The following POM121C variants were observed in gnomAD, a reference collection of about 807,000 sequenced individuals.
The protein encoded by POM121C is POM121 transmembrane nucleoporin C.
A neutral mutation model predicts 66.4 loss-of-function variants in POM121C; 20 were observed. The ratio of observed to expected loss-of-function variants is 0.30; its 90% CI spans 0.21 to 0.44. The LOEUF (loss-of-function observed/expected upper bound fraction) is 0.44. Ranked by LOEUF, POM121C falls within the 20% of genes least tolerant of loss-of-function variation. The probability of loss-of-function intolerance (pLI) is 1.00; values close to 1 mark genes in which losing one functional copy is unlikely to be tolerated. For missense variants in POM121C, 580 were observed against 1,225.7 expected (o/e 0.47, Z 7.87); for synonymous variants, 286 against 528.0 (o/e 0.54, Z 6.28).
intron 7 of POM121C, among the ~76,000 whole-genome samples, chr7:75,428,316 C>A (rs1449144683): frequency 6.6e-6 from 1 of 152,002 alleles, no homozygotes; most frequent in African/African-American, 2.4e-5. Flanking sequence ...ATTTTTGTAT[C>A]TTTAGTAGAG....
intron 1 of POM121C, among the ~76,000 whole-genome samples, chr7:75,477,723 G>C (rs1306040276): frequency 2.0e-5 from 3 of 151,490 alleles, no homozygotes; most frequent in Non-Finnish European, 4.4e-5. Flanking sequence ...GAGGCCAGGA[G>C]CTTGAGACCA....
chr7:75,476,344 G>T (rs1554479360), intron 1 of POM121C, among the ~76,000 whole-genome samples: 1 of 151,592 alleles, frequency 6.6e-6, no homozygotes, highest in Non-Finnish European at 1.5e-5. Context: ...CAATCCACCT[G>T]CCTTGGCCTC....
At chr7:75,419,554 C>G (rs236657) in intron 13 of POM121C, 112 bp from the exon 14 acceptor site, 20,623 of 1,272,362 alleles carry the variant, frequency 0.016, 217 homozygotes, top group Non-Finnish European at 0.017. Context: ...CTCAGCCCCA[C>G]TTCTGCTTCT....
chr7:75,437,766 C>T (rs111948630), intron 6 of POM121C, 80 bp from the exon 7 acceptor site: 4 of 1,478,454 alleles, frequency 2.7e-6, no homozygotes, highest in Middle Eastern at 2.1e-4. Flanking sequence ...TGACATCTTT[C>T]TTAATAACAT....
intron 7 of POM121C, among the ~76,000 whole-genome samples, chr7:75,431,040 C>T (rs1174540720): frequency 1.6e-5 from 2 of 126,632 alleles, no homozygotes; most frequent in African/African-American, 6.1e-5. Flanking sequence ...CGCATCACTG[C>T]ACTCCAGCCT....
At chr7:75,460,510 A>C (rs1397700273) in intron 3 of POM121C, among the ~76,000 whole-genome samples, 1 of 151,750 alleles carries the variant, frequency 6.6e-6, no homozygotes, top group Non-Finnish European at 1.5e-5. Context: ...AAATAAATAA[A>C]TATCAATAGT....
At chr7:75,425,888 TCA>T (rs1789922304) in intron 8 of POM121C, among the ~76,000 whole-genome samples, 180 bp from the exon 9 acceptor site, 1 of 152,078 alleles carries the variant, frequency 6.6e-6, no homozygotes, top group African/African-American at 2.4e-5. Flanking sequence ...GGGAGGCTGT[TCA>T]CAGAGGCCAT....
chr7:75,444,456 G>A (rs1372257756), intron 3 of POM121C, among the ~76,000 whole-genome samples: 41 of 148,794 alleles, frequency 2.8e-4, no homozygotes, highest in Admixed American at 4.8e-4. Flanking sequence ...GTCAGTAGGG[G>A]CTCTTTGAAC....
chr7:75,448,781 C>T (rs1434425676), intron 3 of POM121C, among the ~76,000 whole-genome samples: 5 of 147,892 alleles, frequency 3.4e-5, no homozygotes, highest in African/African-American at 1.3e-4. Flanking sequence ...GCCTGGGCAA[C>T]AAGAGTGAAA....
At chr7:75,438,588 G>C (rs782577586) in intron 6 of POM121C, among the ~76,000 whole-genome samples, 38 of 152,166 alleles carry the variant, frequency 2.5e-4, no homozygotes, top group Non-Finnish European at 5.1e-4. Context: ...ACGCTGATCT[G>C]ACCACAGTGC....
intron 1 of POM121C, among the ~76,000 whole-genome samples, chr7:75,476,141 A>G (rs1355154596): frequency 1.3e-5 from 2 of 152,156 alleles, no homozygotes; most frequent in African/African-American, 4.8e-5. Context: ...TTTTTAAAAA[A>G]TTGGCTGGGC....
intron 7 of POM121C, among the ~76,000 whole-genome samples, chr7:75,431,831 A>T (rs1328045351): frequency 6.6e-6 from 1 of 151,376 alleles, no homozygotes; most frequent in Non-Finnish European, 1.5e-5. Context: ...GCATGCCTGT[A>T]ATCTCAGCTA....
At chr7:75,436,041 ACTC>A (rs1434624023) in intron 7 of POM121C, among the ~76,000 whole-genome samples, 1 of 135,198 alleles carries the variant, frequency 7.4e-6, no homozygotes, top group Non-Finnish European at 1.6e-5. Flanking sequence ...ACAGAGTAAG[ACTC>A]CGTCTCAAAA....
intron 3 of POM121C, among the ~76,000 whole-genome samples, chr7:75,462,576 A>T (rs1463070016): frequency 6.6e-6 from 1 of 152,138 alleles, no homozygotes. Flanking sequence ...GGTTTCTGGT[A>T]TTGAAGGCAG....
In POM121C at chr7:75,475,105, G is replaced by A. The variant is rs587716492; in HGVS notation, c.-374C>T. 1.8e-3 allele frequency: 2,785 copies of A among 1,518,452 alleles called. 11 individuals are homozygous for A. Among genetic ancestry groups the A allele is most frequent in the Non-Finnish European group, 1.6e-3 (1,741 of 1,096,190 alleles). The allele number at this position is 1,518,452 out of a possible 1,614,324, so 94.1% of individuals were successfully genotyped here. A position where few individuals can be genotyped will look rare whatever the true frequency, so the allele number is the denominator to read the frequency against. On this transcript the variant is annotated 5_prime_UTR_variant, in exon 2 of 15. The change creates a new upstream start codon in the 5' untranslated region. Transcript: ENST00000615331. ...TGTAGTTCTCCAACATCACATCCCC[G>A]TATGTTATCTTCTCATCAGGGTCCA... is the stretch of plus-strand genomic sequence containing the variant.
intron 6 of POM121C, among the ~76,000 whole-genome samples, chr7:75,438,285 A>T (rs1384173191): frequency 3.9e-5 from 6 of 152,182 alleles, no homozygotes; most frequent in African/African-American, 1.4e-4. Flanking sequence ...CTCACAGTGG[A>T]TTACAATGTA....
chr7:75,452,799 C>A (rs1791063138), intron 3 of POM121C, among the ~76,000 whole-genome samples: 1 of 152,196 alleles, frequency 6.6e-6, no homozygotes, highest in Non-Finnish European at 1.5e-5. Context: ...GTGTTTGGAA[C>A]CCCTAGCCTC....
chr7:75,463,181 G>A (rs1315372810), intron 3 of POM121C, among the ~76,000 whole-genome samples: 3 of 152,044 alleles, frequency 2.0e-5, no homozygotes, highest in South Asian at 2.1e-4. Context: ...AAAGTAAGCC[G>A]GGTGTGGTGG....
In POM121C at chr7:75,441,475, C is replaced by T. The variant is rs62476652; in HGVS notation, c.22G>A (p.Val8Met). Residue 8 changes from valine to methionine, a missense_variant, in exon 4 of 15, where the codon GTG becomes ATG. Val to Met is a conservative substitution (Grantham distance 21). Coordinates refer to ENST00000615331, the MANE Select transcript of POM121C (RefSeq NM_001099415.3). ...CTTCTGTCAGGAGGGGCGATCCTCA[C>T]AGTCACTGGGCTACACACCATCCTG... MVCSPVT[V>M]RIAPPDRRFS... is the part of the protein sequence containing the mutation. 6.2e-7 allele frequency: 1 copy of T among 1,610,940 alleles called. No homozygotes were observed. Among genetic ancestry groups the T allele is most frequent in the Non-Finnish European group, 8.5e-7 (1 of 1,177,058 alleles).
Sources: allele counts gnomAD v4.1 joint callset (sites outside exome capture counted in the v4.1 genomes callset), GRCh38; gene constraint gnomAD v4.1.1; transcripts MANE v1.5; gene names NCBI Gene and HGNC (gene_info 2026-07-23, HGNC 2026-07-21).